Variants in PTPN22 observed in about 807,000 individuals in gnomAD.
The protein encoded by PTPN22 is tyrosine-protein phosphatase non-receptor type 22.
A neutral mutation model predicts 103.3 loss-of-function variants in PTPN22; 85 were observed. The ratio of observed to expected loss-of-function variants is 0.82; its 90% CI spans 0.69 to 0.99. The LOEUF (loss-of-function observed/expected upper bound fraction) is 0.99. Ranked by LOEUF, PTPN22 falls within the 50% of genes least tolerant of loss-of-function variation. The probability of loss-of-function intolerance (pLI) is 0.00; values close to 1 mark genes in which losing one functional copy is unlikely to be tolerated. For missense variants in PTPN22, 865 were observed against 936.9 expected, an observed-to-expected ratio of 0.92 and a Z score of 1.00; for synonymous variants, 323 against 310.2, an observed-to-expected ratio of 1.04 and a Z score of -0.43.
intron 1 of PTPN22, 47 bp downstream of exon 1, chr1:113,871,490 T>A: frequency 6.5e-7 from 1 of 1,534,718 alleles, no homozygotes; most frequent in Non-Finnish European, 9.0e-7. Context: ...CATAGTCAGT[T>A]AAATAGTGTA....
chr1:113,870,691 C>T (rs1162664915), intron 1 of PTPN22, among the ~76,000 whole-genome samples: 1 of 152,064 alleles, frequency 6.6e-6, no homozygotes, highest in East Asian at 1.9e-4. Context: ...ATTGAAAAAA[C>T]ACATGTTATA....
chr1:113,852,151 A>G, intron 9 of PTPN22, 47 bp from the exon 10 acceptor site: 2 of 1,394,052 alleles, frequency 1.4e-6, no homozygotes, highest in Non-Finnish European at 2.0e-6. Context: ...TTTGTTAATA[A>G]ATTATTGCTA....
At chr1:113,814,064 A>C (rs553408850) in exon 21 of PTPN22, 1 of 152,446 alleles carries the variant, frequency 6.6e-6, no homozygotes, top group East Asian at 1.9e-4. Flanking sequence ...TTTATTTACT[A>C]CATAAAATTA....
chr1:113,839,681 A>C (rs1350735427), intron 11 of PTPN22, among the ~76,000 whole-genome samples: 1 of 152,122 alleles, frequency 6.6e-6, no homozygotes, highest in African/African-American at 2.4e-5. Context: ...ATTCATGTTA[A>C]AATCACTTAA....
chr1:113,870,387 T>C (rs973068653), intron 1 of PTPN22, among the ~76,000 whole-genome samples: 8 of 152,192 alleles, frequency 5.3e-5, no homozygotes, highest in African/African-American at 1.9e-4. Context: ...AGGTTTAAAA[T>C]TCTTATATCT....
At chr1:113,816,410 A>C (rs1183885434) in intron 20 of PTPN22, among the ~76,000 whole-genome samples, 2 of 149,024 alleles carry the variant, frequency 1.3e-5, no homozygotes, top group Non-Finnish European at 3.0e-5. Flanking sequence ...CAGGGAGGTC[A>C]AGGCTGCAGA....
rs2101872155 is a variant in PTPN22, at chr1:113,819,570, C to T, written c.2359+7G>A. The T allele has an allele frequency of 3.8e-6, 6 of 1,586,400 alleles. No individual in the cohort carries two copies. Among genetic ancestry groups the T allele is most frequent in the Non-Finnish European group, 5.2e-6 (6 of 1,158,562 alleles). ...TTTTTAACTCTTCAGTAAAATAACA[C>T]ACATACCAAAATTCAGAAATGAGCT... On this transcript the variant is annotated splice_region_variant and intron_variant, in intron 20 of 20. Transcript: ENST00000359785.
chr1:113,857,400 T>A (rs920179301), intron 5 of PTPN22: 1 of 186,372 alleles, frequency 5.4e-6, no homozygotes, highest in African/African-American at 2.3e-5. Flanking sequence ...AATAGCTGTA[T>A]GTGGCTGGTG....
intron 5 of PTPN22, among the ~76,000 whole-genome samples, chr1:113,857,184 T>A (rs1029489225): frequency 6.6e-6 from 1 of 152,218 alleles, no homozygotes; most frequent in Non-Finnish European, 1.5e-5. Context: ...AAATCCAGTG[T>A]ATATTTTATA....
chr1:113,863,940 A>G (rs1357723695), intron 1 of PTPN22, among the ~76,000 whole-genome samples: 3 of 146,124 alleles, frequency 2.1e-5, no homozygotes, highest in Admixed American at 6.8e-5. Context: ...TTTTTTTGAC[A>G]TGGGATCTCA....
chr1:113,862,656 C>A (rs1665718407), intron 1 of PTPN22, among the ~76,000 whole-genome samples: 1 of 152,166 alleles, frequency 6.6e-6, no homozygotes, highest in Non-Finnish European at 1.5e-5. Flanking sequence ...GAAGACGTAG[C>A]ATTTTAGATA....
rs1182369131 is a variant in PTPN22 at position 113,819,662 on chromosome 1, C to A, written c.2282-8G>T. 11 of 1,563,298 alleles carry A rather than the reference C, an allele frequency of 7.0e-6. No homozygotes were observed. The highest frequency in any genetic ancestry group is 5.3e-5 in the Admixed American group (3 of 56,214). ...GGCAAGAATTACAGATACCTAGAAT[C>A]AAAAGAAAAAAATATAAGGGAAAGA... On this transcript the variant is annotated splice_polypyrimidine_tract_variant and splice_region_variant and intron_variant, in intron 19 of 20. Coordinates refer to ENST00000359785, the Ensembl canonical transcript of PTPN22.
chr1:113,836,168 A>T (rs1306724968), intron 13 of PTPN22, among the ~76,000 whole-genome samples: 1 of 152,234 alleles, frequency 6.6e-6, no homozygotes, highest in Non-Finnish European at 1.5e-5. Flanking sequence ...ATAGAGCAAA[A>T]GTTTTCTCCA....
At chr1:113,858,523 T>C (rs1454151335) in exon 4 of PTPN22, 2 of 1,607,254 alleles carry the variant, frequency 1.2e-6, no homozygotes, top group African/African-American at 2.7e-5. Flanking sequence ...CCAGGAGGGT[T>C]GTAGATAAAG....
chr1:113,838,218 G>A, exon 13 of PTPN22: 1 of 1,614,066 alleles, frequency 6.2e-7, no homozygotes, highest in Non-Finnish European at 8.5e-7. Flanking sequence ...GCCATTTCAT[G>A]GTTGTGTCAG....
chr1:113,864,131 A>G (rs1665899285), intron 1 of PTPN22: 1 of 370,764 alleles, frequency 2.7e-6, no homozygotes, highest in Non-Finnish European at 5.3e-6. Flanking sequence ...AAACAAACAA[A>G]CAAACAAAAA....
chr1:113,847,956 A>G (rs1040912417), intron 11 of PTPN22, among the ~76,000 whole-genome samples: 1 of 151,862 alleles, frequency 6.6e-6, no homozygotes, highest in African/African-American at 2.4e-5. Context: ...GCTGCTCTCA[A>G]ACTCCTAGGC....
rs150081426 is a variant in PTPN22, at chr1:113,859,098, CAT to C, written c.197-22_197-21del. The stretch of plus-strand genomic sequence containing the variant: ...AATCATCTATAATACAAAAGACAGA[CAT>C]AGTACAATTAAGAGGGCTTAGTCAG... On this transcript the variant is annotated intron_variant, in intron 2 of 20. Transcript: ENST00000359785. 112 of 1,612,136 alleles carry C rather than the reference CAT, an allele frequency of 6.9e-5. No individual in the cohort carries two copies. The South Asian group carries it at 1.1e-3, about 16-fold the overall frequency.
exon 18 of PTPN22, chr1:113,829,676 A>C: frequency 6.2e-7 from 1 of 1,605,074 alleles, no homozygotes; most frequent in Non-Finnish European, 8.5e-7. Flanking sequence ...GATAGCTAGT[A>C]GAATATGTTT....
Sources: gnomAD v4.1 joint callset for allele counts (sites outside exome capture counted in the v4.1 genomes callset) on GRCh38, gnomAD v4.1.1 for gene constraint, MANE v1.5 for transcripts, NCBI Gene and HGNC (gene_info 2026-07-23, HGNC 2026-07-21) for gene names.